The following FOCAD variants were observed in gnomAD, a reference collection of about 807,000 sequenced individuals.
The protein encoded by FOCAD is KIAA1797.
A neutral mutation model predicts 225.6 loss-of-function variants in FOCAD; 198 were observed. The ratio of observed to expected loss-of-function variants is 0.88; its 90% CI spans 0.78 to 0.99. The LOEUF (loss-of-function observed/expected upper bound fraction) is 0.99, where lower values mean the gene tolerates loss of function less well. FOCAD is among the 50% of genes least tolerant of loss of function. The pLI, the probability that FOCAD is intolerant of heterozygous loss-of-function variation, is 0.00. For missense variants in FOCAD, 2,713 were observed against 2,123.6 expected (o/e 1.28, Z -5.46); for synonymous variants, 897 against 755.0 (o/e 1.19, Z -3.08).
chr9:20,839,235 T>C (rs1826274335), intron 15 of FOCAD, among the ~76,000 whole-genome samples: 1 of 151,284 alleles, frequency 6.6e-6, no homozygotes, highest in South Asian at 2.1e-4. Flanking sequence ...CTGTTAACCT[T>C]GGCTTTATGG....
At position 20,992,466 on chromosome 9, in the gene FOCAD, C is replaced by G. The variant is rs1392166149; in HGVS notation, c.5257-787C>G. On this transcript the variant is annotated intron_variant, in intron 42 of 43. Coordinates refer to ENST00000338382, the MANE Select transcript of FOCAD (RefSeq NM_001375567.1). ...GCCTAGACCAAGCTGCACACAGAAC[C>G]AGGTGGGAGGCAGCATGATGCAAAG... Among the ~76,000 whole-genome samples the G allele has an allele frequency of 2.0e-5, 3 of 152,138 alleles. No individual in the cohort carries two copies. In the East Asian group the frequency reaches 5.8e-4, roughly 29 times the overall value.
intron 42 of FOCAD, among the ~76,000 whole-genome samples, chr9:20,992,904 A>T (rs1841788613): frequency 6.6e-6 from 1 of 151,632 alleles, no homozygotes; most frequent in African/African-American, 2.4e-5. Flanking sequence ...CAGAGGTTGC[A>T]GTGAGCCGAG....
At chr9:20,760,131 A>G (rs774953939) in intron 6 of FOCAD, among the ~76,000 whole-genome samples, 9 of 152,038 alleles carry the variant, frequency 5.9e-5, no homozygotes, top group African/African-American at 2.2e-4. Context: ...GTCTCTAAAC[A>G]TCCCTCAGAA....
chr9:20,866,770 C>G (rs937974414), intron 17 of FOCAD, among the ~76,000 whole-genome samples, 159 bp from the exon 18 acceptor site: 1 of 150,954 alleles, frequency 6.6e-6, no homozygotes, highest in Non-Finnish European at 1.5e-5. Context: ...TTTAGCTAGG[C>G]AAAGCTTTAA....
chr9:20,708,744 C>G (rs1478657858), intron 1 of FOCAD, among the ~76,000 whole-genome samples: 2 of 150,216 alleles, frequency 1.3e-5, no homozygotes, highest in Admixed American at 6.7e-5. Context: ...TCACTGTACT[C>G]CAGCTTGAGT....
chr9:20,685,025 C>T (rs990079029), intron 1 of FOCAD, among the ~76,000 whole-genome samples: 2 of 152,142 alleles, frequency 1.3e-5, no homozygotes, highest in Admixed American at 6.5e-5. Context: ...GAATTTGGAG[C>T]TTTTGAAATG....
chr9:20,846,240 T>C (rs1387316855), intron 15 of FOCAD, among the ~76,000 whole-genome samples: 1 of 152,150 alleles, frequency 6.6e-6, no homozygotes, highest in Admixed American at 6.6e-5. Context: ...AAATGTGTAC[T>C]CTTTATTTCT....
chr9:20,805,152 A>G (rs183628065), intron 11 of FOCAD, among the ~76,000 whole-genome samples: 2 of 152,300 alleles, frequency 1.3e-5, no homozygotes, highest in Admixed American at 6.5e-5. Context: ...TGAAAAGTCT[A>G]TCTGCTTATT....
chr9:20,913,004 T>G (rs761882414), intron 23 of FOCAD, 50 bp downstream of exon 23: 1 of 1,480,202 alleles, frequency 6.8e-7, no homozygotes, highest in Non-Finnish European at 9.4e-7. Flanking sequence ...AAGTGAGCTA[T>G]GAGGGGAAAG....
chr9:20,861,388 A>C (rs765304987), intron 15 of FOCAD, among the ~76,000 whole-genome samples: 1 of 152,178 alleles, frequency 6.6e-6, no homozygotes, highest in Non-Finnish European at 1.5e-5. Context: ...ATAATATCAG[A>C]GTTACTTCTT....
upstream of FOCAD, chr9:20,683,856 A>G (rs1822490812): frequency 6.6e-6 from 1 of 152,290 alleles, no homozygotes; most frequent in Admixed American, 6.5e-5. Flanking sequence ...TTCCCCCGAG[A>G]AACAAAATCT....
chr9:20,761,646 T>A (rs1587061327), intron 6 of FOCAD, among the ~76,000 whole-genome samples: 1 of 152,030 alleles, frequency 6.6e-6, no homozygotes, highest in East Asian at 1.9e-4. Flanking sequence ...GGTCTCAATA[T>A]CCTGACCTCA....
chr9:20,866,907 T>TTTTTTTTTTTTTTTTC, intron 17 of FOCAD, 22 bp from the exon 18 acceptor site: 1 of 857,064 alleles, frequency 1.2e-6, no homozygotes, highest in South Asian at 1.9e-5. Flanking sequence ...TTTTTTTTTT[T>TTTTTTTTTTTTTTTTC]TTTTTTTTTT....
intron 10 of FOCAD, among the ~76,000 whole-genome samples, chr9:20,785,743 T>G (rs1196226655): frequency 6.6e-6 from 1 of 152,178 alleles, no homozygotes; most frequent in Non-Finnish European, 1.5e-5. Context: ...TGTGGACAAA[T>G]GTTTTCATTT....
chr9:20,821,344 GATGTT>G (rs1371420488), intron 14 of FOCAD, among the ~76,000 whole-genome samples: 1 of 151,948 alleles, frequency 6.6e-6, no homozygotes, highest in Non-Finnish European at 1.5e-5. Flanking sequence ...TAAAACATGT[GATGTT>G]ATGTTTTCTA....
At chr9:20,773,555 C>G (rs1055480942) in intron 8 of FOCAD, among the ~76,000 whole-genome samples, 1 of 152,170 alleles carries the variant, frequency 6.6e-6, no homozygotes, top group Non-Finnish European at 1.5e-5. Context: ...CTAGCCACCA[C>G]AGAAGTTCTC....
Position 20,849,275 on chromosome 9 carries a change from C to T in FOCAD, c.1921-13303C>T, listed in dbSNP as rs559977636. 9.9e-5 allele frequency among the ~76,000 whole-genome samples: 15 copies of T among 151,906 alleles called. No homozygotes were observed. In the East Asian group the frequency reaches 2.5e-3, roughly 26 times the overall value. ...TTCTTCTTGGTGCCCTTTGTTTCCTCTTGTTTTTAAATATATTTTCCACAG... is the reference window on the plus strand; with the variant it reads ...TTCTTCTTGGTGCCCTTTGTTTCCTTTTGTTTTTAAATATATTTTCCACAG... On this transcript the variant is annotated intron_variant, in intron 15 of 43. Coordinates refer to ENST00000338382, the MANE Select transcript of FOCAD (RefSeq NM_001375567.1).
intron 1 of FOCAD, among the ~76,000 whole-genome samples, chr9:20,699,785 T>TATATATAC (rs1350042153): frequency 1.2e-5 from 1 of 84,508 alleles, no homozygotes; most frequent in African/African-American, 5.6e-5. Context: ...TATATATATA[T>TATATATAC]ATATATATAT....
At chr9:20,743,534 G>A (rs1827798056) in intron 5 of FOCAD, among the ~76,000 whole-genome samples, 1 of 152,174 alleles carries the variant, frequency 6.6e-6, no homozygotes. Context: ...ATGTTAGGCG[G>A]TGGTTTCCCT....
Sources: gnomAD v4.1 joint callset for allele counts (sites outside exome capture counted in the v4.1 genomes callset) on GRCh38, gnomAD v4.1.1 for gene constraint, MANE v1.5 for transcripts, NCBI Gene and HGNC (gene_info 2026-07-23, HGNC 2026-07-21) for gene names.